The following NAV2 variants were observed in gnomAD, a reference collection of about 807,000 sequenced individuals.
The protein encoded by NAV2 is neuron navigator 2, also known as helicase, APC down-regulated 1.
A neutral mutation model predicts 223.2 loss-of-function variants in NAV2; 54 were observed. That is an observed-to-expected ratio of 0.24 (90% CI 0.19 to 0.30). The LOEUF (loss-of-function observed/expected upper bound fraction) is 0.30. NAV2 is among the 10% of genes least tolerant of loss of function. The pLI, the probability that NAV2 is intolerant of heterozygous loss-of-function variation, is 1.00. For synonymous variants in NAV2, 1,279 were observed against 1,239.3 expected (o/e 1.03, Z -0.67); for missense variants, 2,806 against 3,147.5 (o/e 0.89, Z 2.60).
At chr11:19,835,051 G>A (rs1284566496) in intron 2 of NAV2, among the ~76,000 whole-genome samples, 4 of 152,216 alleles carry the variant, frequency 2.6e-5, no homozygotes, top group Non-Finnish European at 5.9e-5. Flanking sequence ...GCTCAGAAGA[G>A]GCAAATGGGA....
intron 6 of NAV2, among the ~76,000 whole-genome samples, chr11:19,900,172 T>C (rs2042326980): frequency 6.6e-6 from 1 of 152,206 alleles, no homozygotes; most frequent in African/African-American, 2.4e-5. Context: ...GGATATTGCC[T>C]GGAATGGAAC....
At chr11:19,775,231 T>C (rs1056727736) in intron 1 of NAV2, among the ~76,000 whole-genome samples, 10 of 152,266 alleles carry the variant, frequency 6.6e-5, no homozygotes, top group African/African-American at 2.4e-4. Flanking sequence ...AAATGACACA[T>C]GCTCTCTCAT....
intron 1 of NAV2, among the ~76,000 whole-genome samples, chr11:19,512,134 C>A (rs1307954193): frequency 2.6e-5 from 4 of 152,138 alleles, no homozygotes; most frequent in African/African-American, 9.7e-5. Flanking sequence ...GAAACCACTT[C>A]ATTCCCTGGA....
chr11:20,041,809 C>T (rs1240955891), intron 12 of NAV2, among the ~76,000 whole-genome samples: 1 of 152,222 alleles, frequency 6.6e-6, no homozygotes, highest in Non-Finnish European at 1.5e-5. Flanking sequence ...CTGCCCCAAA[C>T]TCTTCTTTTA....
chr11:19,670,482 G>A (rs1002607916), intron 1 of NAV2, among the ~76,000 whole-genome samples: 11 of 152,218 alleles, frequency 7.2e-5, no homozygotes, highest in African/African-American at 1.7e-4. Context: ...GGAACCCCGC[G>A]GAGAGGGGAC....
chr11:19,921,523 G>A (rs1333633498), intron 6 of NAV2, among the ~76,000 whole-genome samples: 1 of 152,226 alleles, frequency 6.6e-6, no homozygotes, highest in Non-Finnish European at 1.5e-5. Flanking sequence ...CAGGGAAGGA[G>A]TTAAAGGTCA....
chr11:19,930,944 G>C (rs1042570178), intron 6 of NAV2, among the ~76,000 whole-genome samples: 12 of 152,188 alleles, frequency 7.9e-5, no homozygotes, highest in African/African-American at 2.4e-4. Flanking sequence ...GTTCCTAAAA[G>C]TGCTCTTGTT....
At chr11:19,836,139 G>A (rs960735619) in intron 2 of NAV2, among the ~76,000 whole-genome samples, 23 of 152,132 alleles carry the variant, frequency 1.5e-4, no homozygotes, top group Non-Finnish European at 2.5e-4. Flanking sequence ...TAGGTGGCCC[G>A]AATGTTTCCC....
At chr11:19,650,682 C>T (rs529309222) in intron 1 of NAV2, among the ~76,000 whole-genome samples, 15 of 152,240 alleles carry the variant, frequency 9.9e-5, no homozygotes, top group East Asian at 1.9e-4. Flanking sequence ...AAATATCCAA[C>T]GACAAGTAAA....
chr11:19,932,866 ACT>A (rs1483545534), intron 6 of NAV2, among the ~76,000 whole-genome samples: 1 of 151,846 alleles, frequency 6.6e-6, no homozygotes, highest in East Asian at 1.9e-4. Context: ...GGTATTTCCT[ACT>A]CTCTCCTGCA....
chr11:19,917,400 T>C (rs936391754), intron 6 of NAV2, among the ~76,000 whole-genome samples: 3 of 152,168 alleles, frequency 2.0e-5, no homozygotes, highest in Non-Finnish European at 4.4e-5. Context: ...TCCCTAGCAA[T>C]TTTCTGCCTT....
intron 1 of NAV2, among the ~76,000 whole-genome samples, chr11:19,659,480 G>T (rs2048216609): frequency 6.6e-6 from 1 of 152,168 alleles, no homozygotes; most frequent in South Asian, 2.1e-4. Context: ...GATATTAAAA[G>T]ATGACTTTGG....
chr11:19,557,677 G>T (rs377541282), intron 1 of NAV2, among the ~76,000 whole-genome samples: 1 of 152,218 alleles, frequency 6.6e-6, no homozygotes, highest in South Asian at 2.1e-4. Context: ...CCTATAAGCA[G>T]TGAACGCGAA....
intron 22 of NAV2, among the ~76,000 whole-genome samples, chr11:20,076,051 T>C (rs2059732174): frequency 6.6e-6 from 1 of 152,206 alleles, no homozygotes; most frequent in South Asian, 2.1e-4. Context: ...TTCCTGTGTT[T>C]TGCAGTACCT....
intron 10 of NAV2, among the ~76,000 whole-genome samples, chr11:19,967,686 G>A (rs763723714): frequency 1.3e-5 from 2 of 152,252 alleles, no homozygotes; most frequent in East Asian, 1.9e-4. Context: ...CTGTTCCTGG[G>A]AATATTCACT....
intron 12 of NAV2, among the ~76,000 whole-genome samples, chr11:20,037,938 A>G (rs1743360215): frequency 6.6e-6 from 1 of 151,868 alleles, no homozygotes; most frequent in Admixed American, 6.6e-5. Flanking sequence ...CTCACCCTGC[A>G]TCTACATATT....
chr11:19,816,425 A>G (rs541316974), intron 1 of NAV2, among the ~76,000 whole-genome samples: 4 of 152,338 alleles, frequency 2.6e-5, no homozygotes, highest in South Asian at 4.1e-4. Context: ...TGAGAATGTC[A>G]GATCTTCTCT....
intron 1 of NAV2, among the ~76,000 whole-genome samples, chr11:19,428,666 C>T (rs187635021): frequency 8.3e-4 from 127 of 152,310 alleles, no homozygotes; most frequent in Non-Finnish European, 1.4e-3. Context: ...TTGTTTTGCT[C>T]TCTTTGGGGA....
chr11:19,807,416 T>C (rs1377962983), intron 1 of NAV2, among the ~76,000 whole-genome samples: 2 of 152,222 alleles, frequency 1.3e-5, no homozygotes, highest in East Asian at 3.8e-4. Flanking sequence ...CCTGTTCTGC[T>C]AAAAGCTGGG....
Sources: allele counts gnomAD v4.1 joint callset (sites outside exome capture counted in the v4.1 genomes callset), GRCh38; gene constraint gnomAD v4.1.1; transcripts MANE v1.5; gene names NCBI Gene and HGNC (gene_info 2026-07-23, HGNC 2026-07-21).